Variants in TGFBR1 observed in about 807,000 individuals in gnomAD.
TGFBR1 encodes the protein TGF-beta receptor type-1.
TGFBR1 carries 20 observed loss-of-function variants against 55.1 expected under a neutral mutation model. The observed-to-expected ratio is 0.36, with a 90% confidence interval of 0.26 to 0.53. The LOEUF (loss-of-function observed/expected upper bound fraction) is 0.53. TGFBR1 is among the 20% of genes least tolerant of loss of function. The pLI, the probability that TGFBR1 is intolerant of heterozygous loss-of-function variation, is 0.91. For synonymous variants in TGFBR1, 220 were observed against 214.8 expected (o/e 1.02, Z -0.21); for missense variants, 385 against 617.6 (o/e 0.62, Z 3.99).
In TGFBR1 at chr9:99,151,878, C is replaced by T. The variant is rs537279747; in HGVS notation, c.*2573C>T. ...GTAATAATTTTGTCATTTAAAAACA[C>T]AGTTGTTTATACTGCCCATCCTAGG... On this transcript the variant is annotated 3_prime_UTR_variant, in exon 9 of 9. Transcript: ENST00000374994. 4.8e-6 allele frequency: 1 copy of T among 206,954 alleles called. No individual in the cohort carries two copies. Among genetic ancestry groups the T allele is most frequent in the African/African-American group, 2.3e-5 (1 of 43,994 alleles). 12.8% of individuals were successfully genotyped at this position (206,954 alleles called of 1,614,324 possible).
intron 1 of TGFBR1, among the ~76,000 whole-genome samples, chr9:99,106,745 C>T (rs1405296729): frequency 1.3e-5 from 2 of 152,206 alleles, no homozygotes; most frequent in African/African-American, 4.8e-5. Flanking sequence ...TGGCGTAGCC[C>T]ATTTTTCTTC....
At position 99,146,253 on chromosome 9, in the gene TGFBR1, C is replaced by G. The variant is rs11466470; in HGVS notation, c.1131-232C>G. Among the ~76,000 whole-genome samples the G allele has an allele frequency of 5.4e-3, 816 of 152,148 alleles. 6 individuals are homozygous for G. Among genetic ancestry groups the G allele is most frequent in the African/African-American group, 0.019 (780 of 41,494 alleles). On this transcript the variant is annotated intron_variant, in intron 6 of 8. Coordinates refer to ENST00000374994, the MANE Select transcript of TGFBR1 (RefSeq NM_004612.4). ...GTTATGTATGTCTTTCATTGGAAAC[C>G]AAGATCATGAGGCAGATAGTGTGAA...
At chr9:99,145,525 T>C (rs1466123493) in intron 6 of TGFBR1, among the ~76,000 whole-genome samples, 1 of 152,218 alleles carries the variant, frequency 6.6e-6, no homozygotes, top group Non-Finnish European at 1.5e-5. Flanking sequence ...CAGCCTTGTA[T>C]TCCCAGCATC....
At position 99,127,285 on chromosome 9, in the gene TGFBR1, C is replaced by T. The variant is rs11466459; in HGVS notation, c.98-1570C>T. 8.2e-3 allele frequency among the ~76,000 whole-genome samples: 1,256 copies of T among 152,248 alleles called. 10 individuals are homozygous for T. Among genetic ancestry groups the T allele is most frequent in the Non-Finnish European group, 0.014 (958 of 68,014 alleles). Reference sequence around the variant, plus strand: ...CACGAAGTTGTCAACCAGGGAAGTTCGCTTGAGCCTTGGTGTCCAGGGTTT... The same window carrying T: ...CACGAAGTTGTCAACCAGGGAAGTTTGCTTGAGCCTTGGTGTCCAGGGTTT... On this transcript the variant is annotated intron_variant, in intron 1 of 8. Transcript: ENST00000374994.
chr9:99,121,226 T>A (rs1179174243), intron 1 of TGFBR1, among the ~76,000 whole-genome samples: 3 of 152,194 alleles, frequency 2.0e-5, no homozygotes, highest in African/African-American at 7.2e-5. Context: ...GTACATTATA[T>A]GGTGTTCTCT....
In TGFBR1 at chr9:99,142,656, C is replaced by T. The variant is rs200518416; in HGVS notation, c.926C>T (p.Thr309Met). 22 of 1,614,068 alleles carry T rather than the reference C, an allele frequency of 1.4e-5. No individual in the cohort carries two copies. Among genetic ancestry groups the T allele is most frequent in the Admixed American group, 5.0e-5 (3 of 60,022 alleles). Reference protein sequence around the residue: ...VEGMIKLALSTASGLAHLHME... With the variant: ...VEGMIKLALSMASGLAHLHME... ...GGAATGATAAAACTTGCTCTGTCCA[C>T]GGCGAGCGGTCTTGCCCATCTTCAC... The change falls in exon 5 of 9, where the codon ACG becomes ATG. Residue 309 changes from threonine to methionine, a missense_variant. Physicochemically the swap from Thr to Met is moderately conservative, Grantham distance 81 (BLOSUM62 -1). This residue lies in a region of TGFBR1 where 85 missense variants were observed against 228.4 expected (regional missense o/e 0.37). Coordinates refer to ENST00000374994, the MANE Select transcript of TGFBR1 (RefSeq NM_004612.4).
chr9:99,133,365 AT>A (rs1827309420), intron 3 of TGFBR1, among the ~76,000 whole-genome samples: 2 of 152,156 alleles, frequency 1.3e-5, no homozygotes, highest in African/African-American at 2.4e-5. Flanking sequence ...CTATTTGTTG[AT>A]ATTTGTGGCA....
At position 99,154,137 on chromosome 9, in the gene TGFBR1, T is replaced by G. The variant is rs199959527; in HGVS notation, c.*4832T>G. The G allele has an allele frequency of 8.8e-6, 2 of 227,170 alleles. No homozygotes were observed. Among genetic ancestry groups the G allele is most frequent in the Non-Finnish European group, 1.8e-5 (2 of 114,186 alleles). The allele number at this position is 227,170 out of a possible 1,614,324, so 14.1% of individuals were successfully genotyped here. A position where few individuals can be genotyped will look rare whatever the true frequency, so the allele number is the denominator to read the frequency against. On this transcript the variant is annotated 3_prime_UTR_variant, in exon 9 of 9. Coordinates refer to ENST00000374994, the MANE Select transcript of TGFBR1 (RefSeq NM_004612.4). The stretch of plus-strand genomic sequence containing the variant: ...TTATAACAAAGACATCACCAGGATA[T>G]GAAGCTTTTGTTGAAAGTTGGAAAA...
chr9:99,146,395 CTA>C, intron 6 of TGFBR1, 88 bp from the exon 7 acceptor site: 1 of 1,363,106 alleles, frequency 7.3e-7, no homozygotes, highest in Non-Finnish European at 1.0e-6. Flanking sequence ...GTACATATGT[CTA>C]TGTATAAAGA....
At chr9:99,105,708 C>G (rs915779650) in intron 1 of TGFBR1, among the ~76,000 whole-genome samples, 1 of 152,124 alleles carries the variant, frequency 6.6e-6, no homozygotes, top group African/African-American at 2.4e-5. Flanking sequence ...CTGGGCACGG[C>G]GTGACCTTGT....
intron 3 of TGFBR1, 120 bp from the exon 4 acceptor site, chr9:99,137,738 TA>T (rs1423385931): frequency 8.0e-6 from 6 of 750,724 alleles, no homozygotes; most frequent in African/African-American, 1.7e-5. Context: ...CCCAGTGAGA[TA>T]AATTCCTAAA....
At chr9:99,104,729 TAGA>T (rs1200968166), upstream of TGFBR1, among the ~76,000 whole-genome samples, 1 of 152,030 alleles carries the variant, frequency 6.6e-6, no homozygotes, top group Non-Finnish European at 1.5e-5. Context: ...TAGAGGAGGT[TAGA>T]AGAAAAGAGC....
chr9:99,113,070 C>A (rs147405539), intron 1 of TGFBR1, among the ~76,000 whole-genome samples: 29 of 152,268 alleles, frequency 1.9e-4, no homozygotes, highest in Non-Finnish European at 3.4e-4. Flanking sequence ...ATGGTTCTTT[C>A]CTGTTTTGCA....
intron 1 of TGFBR1, among the ~76,000 whole-genome samples, chr9:99,114,972 T>G (rs1329566249): frequency 6.6e-6 from 1 of 152,152 alleles, no homozygotes; most frequent in Non-Finnish European, 1.5e-5. Context: ...GTGGCCCTAC[T>G]GTACTGGTCT....
At chr9:99,144,146 G>GT (rs1827718082) in intron 5 of TGFBR1, among the ~76,000 whole-genome samples, 1 of 151,940 alleles carries the variant, frequency 6.6e-6, no homozygotes, top group Non-Finnish European at 1.5e-5. Flanking sequence ...AGTTATCTTG[G>GT]GTATATACCT....
chr9:99,117,761 C>T (rs183621241), intron 1 of TGFBR1, among the ~76,000 whole-genome samples: 2 of 152,212 alleles, frequency 1.3e-5, no homozygotes, highest in African/African-American at 2.4e-5. Flanking sequence ...GTCTTGATAT[C>T]GAGTAGTGTT....
At chr9:99,140,770 A>G (rs1387071519) in intron 4 of TGFBR1, among the ~76,000 whole-genome samples, 2 of 152,082 alleles carry the variant, frequency 1.3e-5, no homozygotes, top group African/African-American at 2.4e-5. Context: ...CATGTTGGCA[A>G]CTCTCAAATC....
intron 1 of TGFBR1, among the ~76,000 whole-genome samples, chr9:99,116,428 G>A (rs1276684417): frequency 6.6e-6 from 1 of 152,214 alleles, no homozygotes; most frequent in Non-Finnish European, 1.5e-5. Flanking sequence ...GCAATTGGGT[G>A]CTTCCATCTG....
chr9:99,146,391 A>ATG (rs1827796571), intron 6 of TGFBR1, 94 bp from the exon 7 acceptor site: 2 of 1,375,168 alleles, frequency 1.5e-6, no homozygotes, highest in African/African-American at 2.9e-5. Context: ...TTGTGTACAT[A>ATG]TGTCTATGTA....
Sources: allele counts gnomAD v4.1 joint callset (sites outside exome capture counted in the v4.1 genomes callset), GRCh38; gene constraint gnomAD v4.1.1; regional missense constraint gnomAD v4.1.1; transcripts MANE v1.5; gene names NCBI Gene and HGNC (gene_info 2026-07-23, HGNC 2026-07-21).